Variants in CORO2A observed in about 807,000 individuals in gnomAD.
CORO2A encodes the protein coronin 2A.
A neutral mutation model predicts 62.4 loss-of-function variants in CORO2A; 47 were observed. That is an observed-to-expected ratio of 0.75 (90% CI 0.60 to 0.96). The LOEUF is 0.96. CORO2A is among the 40% of genes least tolerant of loss of function. The pLI is 0.00. For missense variants in CORO2A, 610 were observed against 684.1 expected, an observed-to-expected ratio of 0.89 and a Z score of 1.21; for synonymous variants, 273 against 268.9, an observed-to-expected ratio of 1.02 and a Z score of -0.15.
chr9:98,142,040 T>C (rs1160693444), intron 2 of CORO2A, among the ~76,000 whole-genome samples: 2 of 152,270 alleles, frequency 1.3e-5, no homozygotes, highest in Admixed American at 1.3e-4. Flanking sequence ...TTTTTAGCTA[T>C]GTAAGTTTTG....
At chr9:98,137,712 T>C (rs762997392) in intron 2 of CORO2A, 24 bp from the exon 3 acceptor site, 6 of 1,578,046 alleles carry the variant, frequency 3.8e-6, no homozygotes, top group African/African-American at 1.3e-5. Context: ...CCCAGGAGGG[T>C]TGGGGAGGAG....
intron 2 of CORO2A, among the ~76,000 whole-genome samples, chr9:98,141,198 T>A (rs1388047821): frequency 3.9e-5 from 6 of 152,060 alleles, no homozygotes; most frequent in Non-Finnish European, 8.8e-5. Context: ...ATTTTCTCTC[T>A]TTCAAGTGGT....
rs377036622 is a variant in CORO2A at position 98,156,309 on chromosome 9, G to A, written c.201+1151C>T. ...CTGGCCTTGGCCTTCCAAAGTGCTG[G>A]GATTACAGGTGTGAGCCACTGTACC... On this transcript the variant is annotated intron_variant, in intron 2 of 11. Transcript: ENST00000375077. Among the ~76,000 whole-genome samples the A allele has an allele frequency of 1.2e-4, 18 of 152,132 alleles. 1 individual carries two copies. Among genetic ancestry groups the A allele is most frequent in the African/African-American group, 3.6e-4 (15 of 41,512 alleles).
In CORO2A at chr9:98,137,361, A is replaced by T. The variant is rs114326893; in HGVS notation, c.318+211T>A. On this transcript the variant is annotated intron_variant, in intron 3 of 11. Transcript: ENST00000375077. ...TTATGCCCATTTTATATGGGGGGGAACTAAGGCCCATAGAGAGGAGGGGTG... is the reference window on the plus strand; with the variant it reads ...TTATGCCCATTTTATATGGGGGGGATCTAAGGCCCATAGAGAGGAGGGGTG... 8.4e-3 allele frequency among the ~76,000 whole-genome samples: 1,281 copies of T among 152,262 alleles called. 25 individuals are homozygous for T. The highest frequency in any genetic ancestry group is 0.029 in the African/African-American group (1,214 of 41,546).
chr9:98,161,494 C>T (rs1348577313), intron 1 of CORO2A, among the ~76,000 whole-genome samples: 3 of 152,282 alleles, frequency 2.0e-5, no homozygotes, highest in South Asian at 4.1e-4. Context: ...GCGGAGGTTG[C>T]AGCGAGCCAA....
At chr9:98,148,657 T>C (rs1827679969) in intron 2 of CORO2A, among the ~76,000 whole-genome samples, 3 of 151,476 alleles carry the variant, frequency 2.0e-5, no homozygotes, top group Admixed American at 1.3e-4. Flanking sequence ...CGTAAGAGGA[T>C]TGCTTGAGCC....
chr9:98,160,908 C>T (rs145312545), intron 1 of CORO2A, among the ~76,000 whole-genome samples: 20 of 152,282 alleles, frequency 1.3e-4, no homozygotes, highest in Non-Finnish European at 2.5e-4. Context: ...ATGAGACCTG[C>T]CTGTGACCCT....
chr9:98,128,034 A>C (rs1467860284), intron 10 of CORO2A, 136 bp downstream of exon 10: 3 of 664,682 alleles, frequency 4.5e-6, no homozygotes, highest in Non-Finnish European at 5.3e-6. Context: ...CCCACTGGGG[A>C]CTGAAGGTCA....
At chr9:98,153,386 C>G (rs1827754166) in intron 2 of CORO2A, among the ~76,000 whole-genome samples, 1 of 148,970 alleles carries the variant, frequency 6.7e-6, no homozygotes, top group Non-Finnish European at 1.5e-5. Flanking sequence ...CAGGCGTAAG[C>G]CAGCGCATCC....
At chr9:98,185,037 G>A (rs57761120) in intron 1 of CORO2A, among the ~76,000 whole-genome samples, 10,430 of 152,202 alleles carry the variant, frequency 0.069, 633 homozygotes, top group African/African-American at 0.16. Context: ...AGAAACTGAC[G>A]CTTAGAGAAG....
At chr9:98,159,895 C>T (rs1281855997) in intron 1 of CORO2A, among the ~76,000 whole-genome samples, 3 of 152,142 alleles carry the variant, frequency 2.0e-5, no homozygotes, top group African/African-American at 2.4e-5. Context: ...TTTGGCTGGG[C>T]CTACGCTGGT....
chr9:98,192,340 G>A (rs1828314973), intron 1 of CORO2A, among the ~76,000 whole-genome samples: 1 of 152,246 alleles, frequency 6.6e-6, no homozygotes, highest in Non-Finnish European at 1.5e-5. Context: ...GCGAGAAGGG[G>A]GCCACCAATG....
chr9:98,162,117 T>C (rs892913579), intron 1 of CORO2A, among the ~76,000 whole-genome samples: 7 of 152,200 alleles, frequency 4.6e-5, no homozygotes, highest in African/African-American at 1.7e-4. Context: ...CGTTCAGATG[T>C]AGGTGTTCAG....
chr9:98,162,560 A>G (rs995991281), intron 1 of CORO2A, among the ~76,000 whole-genome samples: 1 of 152,170 alleles, frequency 6.6e-6, no homozygotes, highest in Non-Finnish European at 1.5e-5. Context: ...GCCGCTAGCA[A>G]GGCCAGCTAC....
chr9:98,150,339 T>C (rs1827706183), intron 2 of CORO2A, among the ~76,000 whole-genome samples: 1 of 152,116 alleles, frequency 6.6e-6, no homozygotes. Context: ...CTCCCCAATC[T>C]GACCTCACCT....
At chr9:98,161,523 C>T (rs1455348990) in intron 1 of CORO2A, among the ~76,000 whole-genome samples, 8 of 152,114 alleles carry the variant, frequency 5.3e-5, no homozygotes, top group Admixed American at 5.2e-4. Context: ...CACTGCACTC[C>T]ATCCTAGGGA....
At chr9:98,168,064 C>T (rs188129455) in intron 1 of CORO2A, among the ~76,000 whole-genome samples, 7 of 152,344 alleles carry the variant, frequency 4.6e-5, no homozygotes, top group East Asian at 3.9e-4. Context: ...TGGCTCTAAA[C>T]GGCCCTGTCC....
chr9:98,128,616 C>T lies in CORO2A; in HGVS notation c.1071G>A (p.Val357=). ...KSLIEPISMI[V]PRRSESYQED... is the part of the protein sequence containing the mutation. Reference sequence around the variant, plus strand: ...TCCCGACTGCCCTTACCCGCCGGGGCACAATCATGGAGATGGGCTCGATGA... The same window carrying T: ...TCCCGACTGCCCTTACCCGCCGGGGTACAATCATGGAGATGGGCTCGATGA... Residue 357 remains valine (V), a synonymous_variant, in exon 9 of 12, where the codon GTG becomes GTA. Transcript: ENST00000375077. 1 of 1,614,162 alleles carries T rather than the reference C, an allele frequency of 6.2e-7. No homozygotes were observed. Among genetic ancestry groups the T allele is most frequent in the Non-Finnish European group, 8.5e-7 (1 of 1,179,998 alleles).
At chr9:98,175,806 T>C (rs2033415669) in intron 1 of CORO2A, among the ~76,000 whole-genome samples, 2 of 152,300 alleles carry the variant, frequency 1.3e-5, no homozygotes, top group South Asian at 4.1e-4. Context: ...GGTTTTCTCA[T>C]CCATAAAATG....
Sources: gnomAD v4.1 joint callset for allele counts (sites outside exome capture counted in the v4.1 genomes callset) on GRCh38, gnomAD v4.1.1 for gene constraint, MANE v1.5 for transcripts, NCBI Gene and HGNC (gene_info 2026-07-23, HGNC 2026-07-21) for gene names.